The following AHCYL1 variants were observed in gnomAD, a reference collection of about 807,000 sequenced individuals.
AHCYL1 encodes the protein adenosylhomocysteinase like 1.
AHCYL1 carries 20 observed loss-of-function variants against 79.3 expected under a neutral mutation model. That is an observed-to-expected ratio of 0.25 (90% CI 0.18 to 0.37). AHCYL1 has a LOEUF of 0.37. Among genes scored for constraint, AHCYL1 ranks in the 10% least tolerant of loss-of-function variants. The pLI, the probability that AHCYL1 is intolerant of heterozygous loss-of-function variation, is 1.00. For missense variants in AHCYL1, 330 were observed against 673.6 expected (o/e 0.49, Z 5.65); for synonymous variants, 223 against 242.2 (o/e 0.92, Z 0.74).
At chr1:110,020,928 A>G (rs1039761879) in intron 16 of AHCYL1, 77 bp downstream of exon 16, 2 of 1,522,928 alleles carry the variant, frequency 1.3e-6, no homozygotes, top group Admixed American at 4.4e-5. Flanking sequence ...TCTGACATAA[A>G]GATCAAATGT....
At chr1:110,017,722 C>G (rs1333364836) in intron 10 of AHCYL1, 139 bp downstream of exon 10, 24 of 1,057,746 alleles carry the variant, frequency 2.3e-5, no homozygotes, top group Non-Finnish European at 2.9e-5. Flanking sequence ...TCTTCTCACT[C>G]TAACCCTAGG....
intron 1 of AHCYL1, chr1:110,004,191 C>T: frequency 1.0e-6 from 1 of 985,584 alleles, no homozygotes; most frequent in Non-Finnish European, 1.2e-6. Context: ...ACTGTTGAGA[C>T]ACAGAGGCGG....
At chr1:110,015,863 A>G (rs1641969803) in intron 7 of AHCYL1, among the ~76,000 whole-genome samples, 1 of 152,230 alleles carries the variant, frequency 6.6e-6, no homozygotes, top group Admixed American at 6.5e-5. Flanking sequence ...ATCCTATTGT[A>G]AAACTACATG....
At chr1:110,015,611 G>T in intron 7 of AHCYL1, 80 bp downstream of exon 7, 1 of 1,156,248 alleles carries the variant, frequency 8.6e-7, no homozygotes, top group Non-Finnish European at 1.3e-6. Context: ...TTAGGACTGT[G>T]TTTCAGACTT....
At chr1:109,992,408 CA>C (rs57891226) in intron 1 of AHCYL1, among the ~76,000 whole-genome samples, 11,394 of 72,738 alleles carry the variant, frequency 0.16, 1,332 homozygotes, top group African/African-American at 0.42. Flanking sequence ...GACTCCGTCT[CA>C]AAAAAAAAAA....
intron 5 of AHCYL1, among the ~76,000 whole-genome samples, chr1:110,014,016 G>T (rs952871005): frequency 6.6e-6 from 1 of 151,812 alleles, no homozygotes; most frequent in Non-Finnish European, 1.5e-5. Context: ...GGCCAGGCTG[G>T]TCTCGAACTC....
At chr1:109,993,103 G>A (rs760188848) in intron 1 of AHCYL1, among the ~76,000 whole-genome samples, 12 of 152,074 alleles carry the variant, frequency 7.9e-5, no homozygotes, top group Non-Finnish European at 1.3e-4. Flanking sequence ...ACACACATTC[G>A]AACCGGCATT....
chr1:110,011,376 T>G lies in AHCYL1; in HGVS notation c.376+19T>G. On this transcript the variant is annotated intron_variant, in intron 3 of 16. Transcript: ENST00000369799. ...GAGCAAGGTAAAGAAAGGGAGTGGGTTAGGGGACCAGAAACAACCCTCTTG... is the reference window on the plus strand; with the variant it reads ...GAGCAAGGTAAAGAAAGGGAGTGGGGTAGGGGACCAGAAACAACCCTCTTG... 1 of 1,611,796 alleles carries G rather than the reference T, an allele frequency of 6.2e-7. No homozygotes were observed.
intron 1 of AHCYL1, among the ~76,000 whole-genome samples, chr1:110,000,417 A>G (rs757699599): frequency 1.3e-5 from 2 of 152,214 alleles, no homozygotes; most frequent in Non-Finnish European, 2.9e-5. Flanking sequence ...GGGCTCTGCT[A>G]TTACTGGGCT....
At chr1:109,988,976 C>T (rs1011812059) in intron 1 of AHCYL1, among the ~76,000 whole-genome samples, 3 of 152,180 alleles carry the variant, frequency 2.0e-5, no homozygotes, top group Non-Finnish European at 2.9e-5. Context: ...ATAGAATTTA[C>T]GCCAGGACTT....
chr1:110,001,017 A>G lies in AHCYL1; in HGVS notation c.121-8017A>G, dbSNP rs927658615. 4 of 940,876 alleles carry G rather than the reference A, an allele frequency of 4.3e-6. No individual in the cohort carries two copies. The African/African-American group carries it at 7.1e-5, about 17-fold the overall frequency. 58.3% of individuals were successfully genotyped at this position (940,876 alleles called of 1,614,324 possible). A position where few individuals can be genotyped will look rare whatever the true frequency, so the allele number is the denominator to read the frequency against. On this transcript the variant is annotated intron_variant, in intron 1 of 16. Coordinates refer to ENST00000369799, the MANE Select transcript of AHCYL1 (RefSeq NM_006621.7). Reference sequence around the variant, plus strand: ...AGTGGGATTTCAAACTTCCTGTACAATCAACTTTAAGTAAAAATCTTCATG... The same window carrying G: ...AGTGGGATTTCAAACTTCCTGTACAGTCAACTTTAAGTAAAAATCTTCATG...
At chr1:109,998,839 A>G (rs1216929348) in intron 1 of AHCYL1, among the ~76,000 whole-genome samples, 4 of 152,152 alleles carry the variant, frequency 2.6e-5, no homozygotes, top group African/African-American at 9.7e-5. Flanking sequence ...TATTTTTTTC[A>G]GCTTTATTAA....
chr1:109,989,958 T>A (rs1649667242), intron 1 of AHCYL1, among the ~76,000 whole-genome samples: 2 of 152,238 alleles, frequency 1.3e-5, no homozygotes, highest in South Asian at 4.1e-4. Flanking sequence ...ATTTTCCTTT[T>A]GATTATTGTC....
At chr1:109,991,605 C>T (rs1649762568) in intron 1 of AHCYL1, among the ~76,000 whole-genome samples, 1 of 152,202 alleles carries the variant, frequency 6.6e-6, no homozygotes, top group South Asian at 2.1e-4. Context: ...AGCAAGAGCA[C>T]ACCCTATTGT....
chr1:110,016,908 A>C (rs1015005597), intron 9 of AHCYL1, among the ~76,000 whole-genome samples, 178 bp downstream of exon 9: 1 of 152,252 alleles, frequency 6.6e-6, no homozygotes, highest in Admixed American at 6.5e-5. Context: ...AACATACAAA[A>C]TGAATTGAGT....
intron 15 of AHCYL1, among the ~76,000 whole-genome samples, chr1:110,020,082 G>T (rs1158850927): frequency 1.3e-5 from 2 of 152,134 alleles, no homozygotes; most frequent in Admixed American, 1.3e-4. Context: ...CTAGTCCTTT[G>T]CCTTTCTGCA....
rs1401153453 is a variant in AHCYL1, at chr1:109,985,143, A to G, written c.91A>G (p.Met31Val). The G allele has an allele frequency of 6.2e-7, 1 of 1,610,576 alleles. No homozygotes were observed. Among genetic ancestry groups the G allele is most frequent in the Non-Finnish European group, 8.5e-7 (1 of 1,178,778 alleles). ...EIEDAEKYSF[M>V]ATVTKAPKKQ... is the part of the protein sequence containing the mutation. ...CGAGGACGCCGAGAAGTACTCCTTC[A>G]TGGCCACCGTCACCAAGGCGCCCAA... Residue 31 changes from methionine (M) to valine (V), a missense_variant, in exon 1 of 17, where the codon ATG becomes GTG. Physicochemically the swap from Met to Val is conservative, Grantham distance 21. Around this residue, in one of 6 missense-constraint regions of AHCYL1, gnomAD observed 66 missense variants for 68.0 expected, o/e 0.97. Coordinates refer to ENST00000369799, the MANE Select transcript of AHCYL1 (RefSeq NM_006621.7).
intron 1 of AHCYL1, chr1:110,004,413 T>C: frequency 1.0e-6 from 1 of 985,488 alleles, no homozygotes; most frequent in Non-Finnish European, 1.2e-6. Flanking sequence ...GATTCAACTC[T>C]GGCCTGAGAT....
intron 1 of AHCYL1, among the ~76,000 whole-genome samples, chr1:109,990,824 C>A (rs574019763): frequency 6.6e-6 from 1 of 152,182 alleles, no homozygotes; most frequent in African/African-American, 2.4e-5. Context: ...CCTTAAACTT[C>A]AGGTGTTTGG....
Sources: allele counts gnomAD v4.1 joint callset (sites outside exome capture counted in the v4.1 genomes callset), GRCh38; gene constraint gnomAD v4.1.1; regional missense constraint gnomAD v4.1.1; transcripts MANE v1.5; gene names NCBI Gene and HGNC (gene_info 2026-07-23, HGNC 2026-07-21).